Variants in FRMD4A observed in about 807,000 individuals in gnomAD.
FRMD4A encodes the protein FERM domain-containing protein 4A.
Under a neutral mutation model 129.1 loss-of-function variants are expected in FRMD4A, and 29 were observed. The observed-to-expected ratio is 0.22, with a 90% CI of 0.17 to 0.31. The LOEUF (loss-of-function observed/expected upper bound fraction) is 0.31, where lower values mean the gene tolerates loss of function less well. FRMD4A is among the 10% of genes least tolerant of loss of function. FRMD4A has a pLI of 1.00. For missense variants in FRMD4A, 1,272 were observed against 1,375.8 expected (o/e 0.92, Z 1.19); for synonymous variants, 634 against 571.6 (o/e 1.11, Z -1.56).
At chr10:14,120,653 C>T (rs1325144934) in intron 2 of FRMD4A, among the ~76,000 whole-genome samples, 1 of 152,182 alleles carries the variant, frequency 6.6e-6, no homozygotes, top group African/African-American at 2.4e-5. Flanking sequence ...TTCCACCTTT[C>T]CTTGCAGTTA....
intron 2 of FRMD4A, among the ~76,000 whole-genome samples, chr10:13,965,851 A>T (rs1471361199): frequency 6.6e-6 from 1 of 152,244 alleles, no homozygotes; most frequent in Non-Finnish European, 1.5e-5. Flanking sequence ...AAGAGATCAA[A>T]GACCAGGCAA....
intron 3 of FRMD4A, among the ~76,000 whole-genome samples, chr10:13,852,354 T>A (rs1430959313): frequency 6.6e-6 from 1 of 151,944 alleles, no homozygotes; most frequent in Non-Finnish European, 1.5e-5. Context: ...AGTGATTCCC[T>A]TGCCTCAGCC....
At chr10:13,830,844 C>G (rs1962072) in intron 3 of FRMD4A, among the ~76,000 whole-genome samples, 12,447 of 152,212 alleles carry the variant, frequency 0.082, 756 homozygotes, top group Middle Eastern at 0.26. Flanking sequence ...GGCAGGAGTT[C>G]AATGGCACAT....
intron 13 of FRMD4A, 85 bp from the exon 14 acceptor site, chr10:13,701,563 C>A: frequency 6.1e-6 from 8 of 1,315,822 alleles, no homozygotes; most frequent in Non-Finnish European, 8.6e-6. Flanking sequence ...AGAGAACCCA[C>A]TGCGTCCTAG....
chr10:14,195,918 C>T (rs573816892), intron 2 of FRMD4A, among the ~76,000 whole-genome samples: 16 of 152,268 alleles, frequency 1.1e-4, no homozygotes, highest in East Asian at 1.9e-4. Flanking sequence ...TAGTTCCTTA[C>T]GACTTCACGA....
intron 2 of FRMD4A, among the ~76,000 whole-genome samples, chr10:14,058,383 C>G (rs1244186086): frequency 1.3e-5 from 2 of 152,080 alleles, no homozygotes; most frequent in Non-Finnish European, 2.9e-5. Context: ...GAATTTTTTT[C>G]CCAATTACCT....
chr10:14,172,938 A>C (rs1426504041), intron 2 of FRMD4A, among the ~76,000 whole-genome samples: 2 of 152,216 alleles, frequency 1.3e-5, no homozygotes, highest in Non-Finnish European at 2.9e-5. Context: ...CAGAGATGGG[A>C]AATTCTCGCA....
intron 2 of FRMD4A, among the ~76,000 whole-genome samples, chr10:13,965,387 A>G (rs1473289673): frequency 6.6e-6 from 1 of 152,228 alleles, no homozygotes; most frequent in African/African-American, 2.4e-5. Context: ...GAATCTCCCA[A>G]TCCTCAGACT....
At chr10:14,225,836 C>T (rs528255882) in intron 2 of FRMD4A, among the ~76,000 whole-genome samples, 11 of 152,240 alleles carry the variant, frequency 7.2e-5, no homozygotes, top group Non-Finnish European at 1.3e-4. Flanking sequence ...AATAAACTGG[C>T]GTTTGGGTTC....
chr10:13,815,245 T>C (rs2093522728), intron 3 of FRMD4A, among the ~76,000 whole-genome samples: 1 of 152,186 alleles, frequency 6.6e-6, no homozygotes, highest in African/African-American at 2.4e-5. Context: ...TAAAAAGGAA[T>C]GAAATCCTGA....
intron 19 of FRMD4A, among the ~76,000 whole-genome samples, 189 bp downstream of exon 19, chr10:13,663,264 G>A (rs1176225744): frequency 1.3e-5 from 2 of 150,844 alleles, no homozygotes; most frequent in African/African-American, 4.9e-5. Context: ...TAATACACAT[G>A]GGTTTATGCA....
rs572216095 is a variant in FRMD4A at position 14,052,974 on chromosome 10, C to T, written c.46-194062G>A. On this transcript the variant is annotated intron_variant, in intron 2 of 24. Transcript: ENST00000357447. ...GCATGAGGGATTTATCCCCACAACCCGAACATCTCTCACCAGTCCCCATCT... is the reference window on the plus strand; with the variant it reads ...GCATGAGGGATTTATCCCCACAACCTGAACATCTCTCACCAGTCCCCATCT... 5.3e-5 allele frequency among the ~76,000 whole-genome samples: 8 copies of T among 152,002 alleles called. No homozygotes were observed. The South Asian group carries it at 6.2e-4, about 12-fold the overall frequency.
intron 2 of FRMD4A, among the ~76,000 whole-genome samples, chr10:13,879,255 C>A (rs2094521710): frequency 6.6e-6 from 1 of 151,894 alleles, no homozygotes; most frequent in African/African-American, 2.4e-5. Flanking sequence ...CAAAAATTAG[C>A]CGGGTGTGGT....
At chr10:13,685,316 C>A (rs934089429) in intron 15 of FRMD4A, 69 of 984,996 alleles carry the variant, frequency 7.0e-5, no homozygotes, top group Middle Eastern at 1.0e-3. Flanking sequence ...GATTCCATGG[C>A]TCACTGGCAC....
chr10:13,684,854 T>C (rs1377681337), intron 15 of FRMD4A: 2 of 977,006 alleles, frequency 2.0e-6, no homozygotes, highest in Admixed American at 1.3e-4. Flanking sequence ...TGACAATCCG[T>C]CTCTTTAGAC....
intron 2 of FRMD4A, among the ~76,000 whole-genome samples, chr10:14,209,896 A>T (rs1385883787): frequency 6.6e-6 from 1 of 152,058 alleles, no homozygotes; most frequent in East Asian, 1.9e-4. Flanking sequence ...CCAAAAGAAA[A>T]GGCTCAGGAG....
At chr10:13,762,358 T>G (rs1415801638) in intron 7 of FRMD4A, among the ~76,000 whole-genome samples, 2 of 152,182 alleles carry the variant, frequency 1.3e-5, no homozygotes, top group Non-Finnish European at 2.9e-5. Context: ...GGTCAGTAAA[T>G]GATCTCAGTT....
intron 2 of FRMD4A, among the ~76,000 whole-genome samples, chr10:13,889,198 A>G (rs758244919): frequency 6.6e-6 from 1 of 152,240 alleles, no homozygotes; most frequent in Non-Finnish European, 1.5e-5. Flanking sequence ...AAGTCCCCTC[A>G]ATATGAGATC....
intron 2 of FRMD4A, among the ~76,000 whole-genome samples, chr10:14,134,280 G>C (rs1839417135): frequency 6.6e-6 from 1 of 151,766 alleles, no homozygotes; most frequent in African/African-American, 2.4e-5. Context: ...TGGATGGATG[G>C]ATGGATAGGT....
Sources: allele counts gnomAD v4.1 joint callset (sites outside exome capture counted in the v4.1 genomes callset), GRCh38; gene constraint gnomAD v4.1.1; transcripts MANE v1.5; gene names NCBI Gene and HGNC (gene_info 2026-07-23, HGNC 2026-07-21).